The following TMEM144 variants were observed in gnomAD, a reference collection of about 807,000 sequenced individuals.
TMEM144 encodes transmembrane protein 144.
In TMEM144, 39 loss-of-function variants were observed where a neutral mutation model predicts 43.6. The observed-to-expected ratio is 0.90, with a 90% CI of 0.69 to 1.17. The LOEUF (loss-of-function observed/expected upper bound fraction) is 1.17. TMEM144 is among the 50% of genes most tolerant of loss of function. The pLI, the probability that TMEM144 is intolerant of heterozygous loss-of-function variation, is 0.00. For missense variants in TMEM144, 417 were observed against 411.9 expected (o/e 1.01, Z -0.11); for synonymous variants, 154 against 133.6 (o/e 1.15, Z -1.06).
chr4:158,243,673 T>C (rs539900678), intron 11 of TMEM144, among the ~76,000 whole-genome samples: 1 of 152,310 alleles, frequency 6.6e-6, no homozygotes, highest in Admixed American at 6.5e-5. Context: ...TCCTGTATTA[T>C]TTCATTCTTT....
intron 6 of TMEM144, among the ~76,000 whole-genome samples, chr4:158,229,542 C>T (rs1040123221): frequency 2.6e-5 from 4 of 151,984 alleles, no homozygotes; most frequent in East Asian, 1.9e-4. Flanking sequence ...GGGTGAGCTT[C>T]GCTGGGGGGA....
chr4:158,235,269 A>C (rs1347158816), intron 7 of TMEM144, 169 bp from the exon 8 acceptor site: 2 of 592,838 alleles, frequency 3.4e-6, no homozygotes, highest in African/African-American at 3.7e-5. Context: ...ATGAAAGAGG[A>C]AACAATTAGA....
In TMEM144 at chr4:158,215,309, A is replaced by G. The variant is rs762216900; in HGVS notation, c.228A>G (p.Ala76=). 2.5e-6 allele frequency: 4 copies of G among 1,613,640 alleles called. No homozygotes were observed. The South Asian group carries it at 4.4e-5, about 18-fold the overall frequency. ...CAATGCTTGGGGGCTGCATTTGGGC[A>G]ACAGGTAATGTCTGATATAACTTAT... ...PFAMLGGCIW[A]TGNIAVVPII... is the part of the protein sequence containing the mutation. The change falls in exon 4 of 13, where the codon GCA becomes GCG. Residue 76 remains alanine, a synonymous_variant. Transcript: ENST00000296529.
chr4:158,250,585 C>A (rs1736151964), intron 12 of TMEM144, among the ~76,000 whole-genome samples: 1 of 152,170 alleles, frequency 6.6e-6, no homozygotes, highest in Non-Finnish European at 1.5e-5. Context: ...TCAAAGCTGA[C>A]CTGGCTGCAA....
At chr4:158,237,174 A>T (rs1735393638) in intron 8 of TMEM144, among the ~76,000 whole-genome samples, 1 of 152,250 alleles carries the variant, frequency 6.6e-6, no homozygotes, top group African/African-American at 2.4e-5. Flanking sequence ...CAGTATATAG[A>T]TATCTCAATT....
rs558605082 is a variant in TMEM144 at position 158,244,483 on chromosome 4, G to A, written c.954+134G>A. The A allele has an allele frequency of 2.3e-4, 147 of 635,160 alleles. No homozygotes were observed. In the African/African-American group the frequency reaches 2.4e-3, roughly 10 times the overall value. 39.3% of individuals were successfully genotyped at this position (635,160 alleles called of 1,614,324 possible). On this transcript the variant is annotated intron_variant, in intron 12 of 12. Transcript: ENST00000296529. The stretch of plus-strand genomic sequence containing the variant: ...TTAGGAGTTCAAGACCAGCCTGGCC[G>A]AGATGGTGAAACCCCGTCTCTACTA...
chr4:158,241,610 A>C lies in TMEM144; in HGVS notation c.900+4A>C, dbSNP rs1334438189. On this transcript the variant is annotated splice_donor_region_variant and intron_variant, in intron 11 of 12. Transcript: ENST00000296529. The stretch of plus-strand genomic sequence containing the variant: ...CAGTTTTCCAATAATCACTGCTGTA[A>C]GTAGCTGAACTGGTTTTCCTAATTT... 5.0e-6 allele frequency: 8 copies of C among 1,612,486 alleles called. No individual in the cohort carries two copies. The Admixed American group carries it at 1.2e-4, about 24-fold the overall frequency.
chr4:158,242,725 C>G (rs1160382700), intron 11 of TMEM144, among the ~76,000 whole-genome samples: 2 of 152,150 alleles, frequency 1.3e-5, no homozygotes, highest in Non-Finnish European at 2.9e-5. Flanking sequence ...TACCTCTGCT[C>G]CATGTCTTCC....
intron 12 of TMEM144, among the ~76,000 whole-genome samples, chr4:158,249,841 A>C (rs1736093928): frequency 1.3e-5 from 2 of 151,572 alleles, no homozygotes; most frequent in East Asian, 1.9e-4. Flanking sequence ...GCAGTCTTAA[A>C]AATTAAGAAA....
At chr4:158,236,520 A>AAG (rs1735357641) in intron 8 of TMEM144, among the ~76,000 whole-genome samples, 1 of 152,176 alleles carries the variant, frequency 6.6e-6, no homozygotes, top group Non-Finnish European at 1.5e-5. Flanking sequence ...CACGTGACAC[A>AAG]GGGATTTCCA....
At position 158,217,318 on chromosome 4, in the gene TMEM144, C is replaced by T. The variant is rs770226038; in HGVS notation, c.233-3C>T. The T allele has an allele frequency of 4.4e-6, 7 of 1,594,784 alleles. No individual in the cohort carries two copies. In the South Asian group the frequency reaches 6.6e-5, roughly 15 times the overall value. On this transcript the variant is annotated splice_region_variant and splice_polypyrimidine_tract_variant and intron_variant, in intron 4 of 12. Transcript: ENST00000296529. ...ATGTTTCTTCTGTATATTACATCTA[C>T]AGGGAACATTGCTGTTGTCCCAATT...
chr4:158,253,439 T>C lies in TMEM144; in HGVS notation c.955-5T>C, dbSNP rs766520193. The stretch of plus-strand genomic sequence containing the variant: ...TCATCACTGTTATTCTTTTTTCTTA[T>C]TCAGGGTCTACAAAACTACCTATTA... On this transcript the variant is annotated splice_polypyrimidine_tract_variant and splice_region_variant and intron_variant, in intron 12 of 12. Transcript: ENST00000296529. The C allele has an allele frequency of 4.3e-6, 7 of 1,609,548 alleles. No individual in the cohort carries two copies. The highest frequency in any genetic ancestry group is 8.5e-7 in the Non-Finnish European group (1 of 1,176,962).
At chr4:158,216,681 T>G (rs1734238424) in intron 4 of TMEM144, among the ~76,000 whole-genome samples, 1 of 152,074 alleles carries the variant, frequency 6.6e-6, no homozygotes, top group African/African-American at 2.4e-5. Flanking sequence ...AGGGAAAATC[T>G]TTAGGGGGTA....
At chr4:158,249,581 GA>G (rs1316146922) in intron 12 of TMEM144, among the ~76,000 whole-genome samples, 3 of 152,066 alleles carry the variant, frequency 2.0e-5, no homozygotes, top group Non-Finnish European at 2.9e-5. Flanking sequence ...CATTGAAGGG[GA>G]AAAAAATTTT....
intron 9 of TMEM144, among the ~76,000 whole-genome samples, chr4:158,239,754 T>C (rs1735532245): frequency 1.3e-5 from 2 of 152,174 alleles, no homozygotes; most frequent in Non-Finnish European, 2.9e-5. Flanking sequence ...TACCAGATGA[T>C]CATAAAAACT....
rs1006613897 is a variant in TMEM144, at chr4:158,237,432, T to C, written c.564-93T>C. On this transcript the variant is annotated intron_variant, in intron 8 of 12. Coordinates refer to ENST00000296529, the MANE Select transcript of TMEM144 (RefSeq NM_018342.5). ...TGGATGGTTTTTGCTTGTTTGTGAT[T>C]TGCCTTTTGAAGCATGTTTATGATT... is the stretch of plus-strand genomic sequence containing the variant. The C allele has an allele frequency of 5.2e-6, 5 of 966,894 alleles. No homozygotes were observed. The African/African-American group carries it at 6.6e-5, about 13-fold the overall frequency. 59.9% of individuals were successfully genotyped at this position (966,894 alleles called of 1,614,324 possible).
chr4:158,240,539 G>A, intron 10 of TMEM144, 121 bp downstream of exon 10: 1 of 1,044,856 alleles, frequency 9.6e-7, no homozygotes. Context: ...GTGTGTGTGT[G>A]TTGTGTGTGT....
chr4:158,218,222 G>A (rs1734330534), intron 5 of TMEM144, among the ~76,000 whole-genome samples: 1 of 152,142 alleles, frequency 6.6e-6, no homozygotes, highest in African/African-American at 2.4e-5. Context: ...GTGCTCAGTA[G>A]CTAATATGGG....
rs5863314 is a variant in TMEM144 at position 158,250,195 on chromosome 4, C to CATATATATATATATATATAT, written c.955-3233_955-3214dup. ...TTTGATTTTGTTAATTAATACATAA[C>CATATATATATATATATATAT]ATATATATATATATATATATATATA... On this transcript the variant is annotated intron_variant, in intron 12 of 12. Coordinates refer to ENST00000296529, the MANE Select transcript of TMEM144 (RefSeq NM_018342.5). Among the ~76,000 whole-genome samples the CATATATATATATATATATAT allele has an allele frequency of 3.8e-4, 51 of 135,536 alleles. 3 individuals carry two copies. Among genetic ancestry groups the CATATATATATATATATATAT allele is most frequent in the Non-Finnish European group, 7.6e-4 (47 of 61,868 alleles). The allele number at this position is 135,536 out of a possible 152,430, so 88.9% of individuals were successfully genotyped here.
Sources: allele counts gnomAD v4.1 joint callset (sites outside exome capture counted in the v4.1 genomes callset), GRCh38; gene constraint gnomAD v4.1.1; transcripts MANE v1.5; gene names NCBI Gene and HGNC (gene_info 2026-07-23, HGNC 2026-07-21).